The following ST8SIA1 variants were observed in gnomAD, a reference collection of about 807,000 sequenced individuals.
The protein encoded by ST8SIA1 is alpha-N-acetylneuraminide alpha-2,8-sialyltransferase.
Under a neutral mutation model 35.9 loss-of-function variants are expected in ST8SIA1, and 16 were observed. The ratio of observed to expected loss-of-function variants is 0.45; its 90% confidence interval spans 0.30 to 0.68. The LOEUF (loss-of-function observed/expected upper bound fraction) is 0.68, where lower values mean the gene tolerates loss of function less well. Ranked by LOEUF, ST8SIA1 falls within the 30% of genes least tolerant of loss-of-function variation. ST8SIA1 has a pLI of 0.09. For missense variants in ST8SIA1, 383 were observed against 453.6 expected (o/e 0.84, Z 1.41); for synonymous variants, 170 against 169.6 (o/e 1.00, Z -0.02).
intron 2 of ST8SIA1, among the ~76,000 whole-genome samples, chr12:22,261,146 G>T (rs1019368208): frequency 1.3e-5 from 2 of 150,788 alleles, no homozygotes; most frequent in African/African-American, 2.4e-5. Flanking sequence ...TCCTTTGAGG[G>T]TGTATTTGTT....
intron 1 of ST8SIA1, among the ~76,000 whole-genome samples, chr12:22,309,205 A>G (rs1324325808): frequency 6.6e-6 from 1 of 152,174 alleles, no homozygotes; most frequent in East Asian, 1.9e-4. Context: ...GAAGTTGGAC[A>G]CACCTTGCTA....
chr12:22,204,971 T>A (rs1474942687), intron 4 of ST8SIA1, among the ~76,000 whole-genome samples: 1 of 152,214 alleles, frequency 6.6e-6, no homozygotes, highest in African/African-American at 2.4e-5. Flanking sequence ...ACTCCTCATG[T>A]CCTCACCCTA....
chr12:22,232,939 A>G lies in ST8SIA1; in HGVS notation c.584+16067T>C, dbSNP rs747302287. Reference sequence around the variant, plus strand: ...AAGTGGTTTAAGGAGAGAAAAATCAATGTGTCACATGTTCCCGGTGGGTCA... The same window carrying G: ...AAGTGGTTTAAGGAGAGAAAAATCAGTGTGTCACATGTTCCCGGTGGGTCA... On this transcript the variant is annotated intron_variant, in intron 4 of 4. Transcript: ENST00000396037. Among the ~76,000 whole-genome samples the G allele has an allele frequency of 4.0e-4, 61 of 152,238 alleles. 1 individual carries two copies. Among genetic ancestry groups the G allele is most frequent in the Non-Finnish European group, 1.6e-4 (11 of 68,030 alleles).
chr12:22,202,770 G>A (rs1865063457), intron 4 of ST8SIA1, among the ~76,000 whole-genome samples: 1 of 152,148 alleles, frequency 6.6e-6, no homozygotes, highest in Non-Finnish European at 1.5e-5. Context: ...CTGGAAAGAG[G>A]GAGTGTGGTC....
At chr12:22,288,708 G>A (rs917303155) in intron 1 of ST8SIA1, among the ~76,000 whole-genome samples, 5 of 152,134 alleles carry the variant, frequency 3.3e-5, no homozygotes, top group Non-Finnish European at 5.9e-5. Flanking sequence ...AGAAGAGCTC[G>A]GGAAGAAAGC....
Position 22,297,633 on chromosome 12 carries a change from T to A in ST8SIA1, c.237-10340A>T, listed in dbSNP as rs145225422. Among the ~76,000 whole-genome samples the A allele has an allele frequency of 2.0e-5, 3 of 152,278 alleles. No individual in the cohort carries two copies. In the East Asian group the frequency reaches 5.8e-4, roughly 29 times the overall value. On this transcript the variant is annotated intron_variant, in intron 1 of 4. Coordinates refer to ENST00000396037, the MANE Select transcript of ST8SIA1 (RefSeq NM_003034.4). ...GGGTCTCTCTTTACTCAGCACAGAA[T>A]ATCAGCATTTCAGGTTGTCAACAAC... is the stretch of plus-strand genomic sequence containing the variant.
intron 4 of ST8SIA1, among the ~76,000 whole-genome samples, chr12:22,229,861 T>C (rs1865397777): frequency 6.6e-6 from 1 of 152,080 alleles, no homozygotes; most frequent in South Asian, 2.1e-4. Flanking sequence ...GAACTAGTGG[T>C]AGTTCAACAC....
chr12:22,313,895 T>G (rs1866483375), intron 1 of ST8SIA1, among the ~76,000 whole-genome samples: 1 of 152,180 alleles, frequency 6.6e-6, no homozygotes, highest in African/African-American at 2.4e-5. Flanking sequence ...ATGTAGAAAT[T>G]TTCATTCTTT....
At chr12:22,202,436 T>C (rs1243586192) in intron 4 of ST8SIA1, among the ~76,000 whole-genome samples, 1 of 152,226 alleles carries the variant, frequency 6.6e-6, no homozygotes, top group Non-Finnish European at 1.5e-5. Context: ...GGTTTCTTCA[T>C]CTGCAAATCA....
rs1865012349 is a variant in ST8SIA1, at chr12:22,198,381, TAAAC to T, written c.*3167_*3170del. 6.6e-6 allele frequency: 1 copy of T among 152,080 alleles called. No homozygotes were observed. The highest frequency in any genetic ancestry group is 1.5e-5 in the Non-Finnish European group (1 of 68,008). The allele number at this position is 152,080 out of a possible 1,614,324, so 9.4% of individuals were successfully genotyped here. ...TAATTCTGAAGGTCTTAATTTCAGA[TAAAC>T]AAAGAAAGATAATGGGAGCTTAGAA... On this transcript the variant is annotated 3_prime_UTR_variant, in exon 5 of 5. Coordinates refer to ENST00000396037, the MANE Select transcript of ST8SIA1 (RefSeq NM_003034.4).
In ST8SIA1 at chr12:22,199,201, G is replaced by A. The variant is rs2120595345; in HGVS notation, c.*2351C>T. 1 of 145,840 alleles carries A rather than the reference G, an allele frequency of 6.9e-6. No individual in the cohort carries two copies. Among genetic ancestry groups the A allele is most frequent in the South Asian group, 2.2e-4 (1 of 4,596 alleles). The allele number at this position is 145,840 out of a possible 1,614,324, so 9.0% of individuals were successfully genotyped here. On this transcript the variant is annotated 3_prime_UTR_variant, in exon 5 of 5. Transcript: ENST00000396037. The stretch of plus-strand genomic sequence containing the variant: ...GACAGGGTCTTGCCCTGTCACCCAG[G>A]CTGGAGTGCAGTGGCACCATCTTGG...
rs1864962953 is a variant in ST8SIA1 at position 22,194,758 on chromosome 12, T to C, written c.*6794A>G. The C allele has an allele frequency of 6.6e-6, 1 of 152,244 alleles. No homozygotes were observed. The highest frequency in any genetic ancestry group is 2.4e-5 in the African/African-American group (1 of 41,460). 9.4% of individuals were successfully genotyped at this position (152,244 alleles called of 1,614,324 possible). ...GAACCTCCTGTTCTAACTCTAGCTA[T>C]GCATAGCCCACTTTCCAAGGGTGAG... is the stretch of plus-strand genomic sequence containing the variant. On this transcript the variant is annotated 3_prime_UTR_variant, in exon 5 of 5. Coordinates refer to ENST00000396037, the MANE Select transcript of ST8SIA1 (RefSeq NM_003034.4).
At position 22,201,663 on chromosome 12, in the gene ST8SIA1, G is replaced by A. The variant is rs1048923641; in HGVS notation, c.960C>T (p.Gly320=). 1.5e-5 allele frequency: 25 copies of A among 1,614,048 alleles called. No individual in the cohort carries two copies. Among genetic ancestry groups the A allele is most frequent in the Non-Finnish European group, 2.0e-5 (24 of 1,179,996 alleles). The change falls in exon 5 of 5, where the codon GGC becomes GGT. Residue 320 remains glycine (G), a synonymous_variant. Transcript: ENST00000396037. ...GAAATTCCTCGGGCATGGCATGGAA[G>A]CCAGAAAAGGGTAAGACGTTGTCAT... ...HYYDNVLPFS[G]FHAMPEEFLQ...
intron 1 of ST8SIA1, among the ~76,000 whole-genome samples, chr12:22,318,624 A>AG (rs780438543): frequency 6.6e-6 from 1 of 152,160 alleles, no homozygotes; most frequent in Non-Finnish European, 1.5e-5. Context: ...AGGCAGAGAG[A>AG]GGAAAAAAAG....
At chr12:22,258,175 C>G (rs1865748413) in intron 2 of ST8SIA1, among the ~76,000 whole-genome samples, 1 of 152,130 alleles carries the variant, frequency 6.6e-6, no homozygotes, top group South Asian at 2.1e-4. Flanking sequence ...GCCAAGAGTT[C>G]TGCCTTGAAC....
intron 2 of ST8SIA1, among the ~76,000 whole-genome samples, chr12:22,285,512 G>C (rs1389177836): frequency 6.6e-6 from 1 of 152,188 alleles, no homozygotes; most frequent in African/African-American, 2.4e-5. Flanking sequence ...TCAGCCTCAA[G>C]ATACTAAGTA....
rs2287168 is a variant in ST8SIA1 at position 22,310,307 on chromosome 12, A to G, written c.237-23014T>C. ...GGAAGGCAAGAGAGTTTCAAAAAGA[A>G]GATCTGTTTCTTTCAAGGCATAGAT... On this transcript the variant is annotated intron_variant, in intron 1 of 4. Coordinates refer to ENST00000396037, the MANE Select transcript of ST8SIA1 (RefSeq NM_003034.4). 3.3e-5 allele frequency among the ~76,000 whole-genome samples: 5 copies of G among 152,310 alleles called. No homozygotes were observed. The East Asian group carries it at 7.7e-4, about 24-fold the overall frequency.
chr12:22,232,450 G>A (rs766273864), intron 4 of ST8SIA1, among the ~76,000 whole-genome samples: 1 of 152,130 alleles, frequency 6.6e-6, no homozygotes, highest in Admixed American at 6.5e-5. Context: ...TCTTTGAGAT[G>A]GGGAAAATGA....
chr12:22,283,188 T>C (rs1461319325), intron 2 of ST8SIA1, among the ~76,000 whole-genome samples: 1 of 152,186 alleles, frequency 6.6e-6, no homozygotes, highest in Non-Finnish European at 1.5e-5. Context: ...ATGCTTTACA[T>C]ATGGCCCTGG....
Sources: allele counts gnomAD v4.1 joint callset (sites outside exome capture counted in the v4.1 genomes callset), GRCh38; gene constraint gnomAD v4.1.1; transcripts MANE v1.5; gene names NCBI Gene and HGNC (gene_info 2026-07-23, HGNC 2026-07-21).